Variants in SLC25A13 observed in about 807,000 individuals in gnomAD.
The protein encoded by SLC25A13 is electrogenic aspartate/glutamate antiporter SLC25A13, mitochondrial.
Under a neutral mutation model 85.5 loss-of-function variants are expected in SLC25A13, and 70 were observed. The ratio of observed to expected loss-of-function variants is 0.82; its 90% CI spans 0.68 to 1.00. SLC25A13 has a LOEUF of 1.00. SLC25A13 is among the 50% of genes least tolerant of loss of function. The pLI is 0.00. For missense variants in SLC25A13, 765 were observed against 819.8 expected (o/e 0.93, Z 0.82); for synonymous variants, 259 against 288.7 (o/e 0.90, Z 1.04).
At chr7:96,300,393 T>C (rs753536709) in intron 1 of SLC25A13, among the ~76,000 whole-genome samples, 7 of 152,144 alleles carry the variant, frequency 4.6e-5, no homozygotes, top group Admixed American at 1.3e-4. Context: ...CCTAGACAGC[T>C]AGAAAAGTAA....
At position 96,222,151 on chromosome 7, in the gene SLC25A13, C is replaced by G. The variant is rs1447140287; in HGVS notation, c.328+12651G>C. ...TAGGAGAGCCCTTTTCCACATGCCA[C>G]TTATTAACATAAACAAGAAACGCTT... On this transcript the variant is annotated intron_variant, in intron 4 of 17. Transcript: ENST00000265631. 2.6e-5 allele frequency among the ~76,000 whole-genome samples: 4 copies of G among 152,180 alleles called. No homozygotes were observed. In the South Asian group the frequency reaches 8.3e-4, roughly 32 times the overall value.
rs181992619 is a variant in SLC25A13 at position 96,219,071 on chromosome 7, C to T, written c.329-10094G>A. The stretch of plus-strand genomic sequence containing the variant: ...AATATCAAGGTTGCCATTTCAAACC[C>T]TTTTGACAAGTGCCTTTTTACATTA... On this transcript the variant is annotated intron_variant, in intron 4 of 17. Coordinates refer to ENST00000265631, the MANE Select transcript of SLC25A13 (RefSeq NM_014251.3). 2.6e-5 allele frequency among the ~76,000 whole-genome samples: 4 copies of T among 152,252 alleles called. No homozygotes were observed. In the East Asian group the frequency reaches 5.8e-4, roughly 22 times the overall value.
intron 13 of SLC25A13, among the ~76,000 whole-genome samples, chr7:96,163,596 TG>T (rs1793609182): frequency 6.6e-6 from 1 of 152,206 alleles, no homozygotes; most frequent in Non-Finnish European, 1.5e-5. Flanking sequence ...TCCTCAATGA[TG>T]GAGAAACACT....
intron 3 of SLC25A13, among the ~76,000 whole-genome samples, chr7:96,242,713 A>G (rs1418599053): frequency 6.6e-6 from 1 of 152,176 alleles, no homozygotes; most frequent in East Asian, 1.9e-4. Context: ...CCAATTGTCA[A>G]CCAGAAAATG....
intron 3 of SLC25A13, among the ~76,000 whole-genome samples, chr7:96,265,686 GT>G (rs937968179): frequency 3.9e-5 from 6 of 152,192 alleles, no homozygotes; most frequent in African/African-American, 1.4e-4. Flanking sequence ...TGATGAATGT[GT>G]AATGAAGAAA....
intron 3 of SLC25A13, among the ~76,000 whole-genome samples, chr7:96,261,591 CCTT>C (rs1232434590): frequency 6.6e-6 from 1 of 152,156 alleles, no homozygotes; most frequent in Non-Finnish European, 1.5e-5. Flanking sequence ...CTCTCAAAAA[CCTT>C]CATTAAAATC....
chr7:96,150,698 G>A (rs1195955829), intron 13 of SLC25A13, among the ~76,000 whole-genome samples: 1 of 152,066 alleles, frequency 6.6e-6, no homozygotes, highest in Non-Finnish European at 1.5e-5. Flanking sequence ...GGGAAAAAGC[G>A]GCTATCTACA....
rs1213225857 is a variant in SLC25A13, at chr7:96,193,728, C to T, written c.469-545G>A. ...TTTTGGACAGGGTAAGTCTTTATTACGGGAGGGCTGTCGTGTGTACCCCTA... is the reference window on the plus strand; with the variant it reads ...TTTTGGACAGGGTAAGTCTTTATTATGGGAGGGCTGTCGTGTGTACCCCTA... On this transcript the variant is annotated intron_variant, in intron 5 of 17. Transcript: ENST00000265631. Among the ~76,000 whole-genome samples the T allele has an allele frequency of 5.9e-5, 9 of 152,282 alleles. 1 individual carries two copies. The East Asian group carries it at 7.7e-4, about 13-fold the overall frequency.
intron 12 of SLC25A13, among the ~76,000 whole-genome samples, chr7:96,170,958 C>G (rs1301167971): frequency 6.6e-6 from 1 of 152,162 alleles, no homozygotes; most frequent in African/African-American, 2.4e-5. Context: ...CAGATCCCTG[C>G]ACATTTGGCT....
At chr7:96,193,917 T>C (rs977892998) in intron 5 of SLC25A13, among the ~76,000 whole-genome samples, 3 of 152,296 alleles carry the variant, frequency 2.0e-5, no homozygotes, top group African/African-American at 7.2e-5. Context: ...TTGCATATGT[T>C]TAATTAAAAT....
At chr7:96,317,810 A>AT (rs34286329) in intron 1 of SLC25A13, among the ~76,000 whole-genome samples, 1,500 of 143,570 alleles carry the variant, frequency 0.01, 30 homozygotes, top group African/African-American at 0.037. Flanking sequence ...ACTTTATTTT[A>AT]TTTTTTTTTG....
At chr7:96,202,727 C>G (rs1357063372) in intron 5 of SLC25A13, among the ~76,000 whole-genome samples, 2 of 152,140 alleles carry the variant, frequency 1.3e-5, no homozygotes, top group Non-Finnish European at 2.9e-5. Context: ...AAAGAGGCAG[C>G]AGAGCCAATA....
intron 3 of SLC25A13, among the ~76,000 whole-genome samples, chr7:96,262,287 G>C (rs1797881875): frequency 2.6e-5 from 4 of 152,090 alleles, no homozygotes; most frequent in Admixed American, 2.6e-4. Context: ...AATTAATCCA[G>C]CTTATCTTTC....
At chr7:96,311,796 T>C (rs904051436) in intron 1 of SLC25A13, among the ~76,000 whole-genome samples, 1 of 152,158 alleles carries the variant, frequency 6.6e-6, no homozygotes, top group African/African-American at 2.4e-5. Context: ...GAAGTATTTC[T>C]TTCTGACAAA....
chr7:96,225,576 A>G (rs1240631735), intron 4 of SLC25A13, among the ~76,000 whole-genome samples: 2 of 151,774 alleles, frequency 1.3e-5, no homozygotes, highest in African/African-American at 4.8e-5. Flanking sequence ...AAAAAAAGGA[A>G]TGGCCCAGGT....
chr7:96,181,312 T>C (rs577447210), intron 11 of SLC25A13, among the ~76,000 whole-genome samples: 3 of 152,210 alleles, frequency 2.0e-5, no homozygotes, highest in Non-Finnish European at 4.4e-5. Flanking sequence ...CTGAGGTATA[T>C]TTCTATTGAA....
At chr7:96,276,597 C>T (rs1475086030) in intron 3 of SLC25A13, among the ~76,000 whole-genome samples, 2 of 151,988 alleles carry the variant, frequency 1.3e-5, no homozygotes, top group East Asian at 1.9e-4. Flanking sequence ...TACTCCAGCC[C>T]GAGCAACAGA....
At position 96,131,748 on chromosome 7, in the gene SLC25A13, A is replaced by C. The variant is rs375405382; in HGVS notation, c.1586T>G (p.Ile529Arg). ...SPGSLLLAGA[I>R]AGMPAASLVT... ...ACTCCATGGGGGACACTCACCAGCT[A>C]TGGCACCAGCTAAGAGCAGGCTTCC... is the stretch of plus-strand genomic sequence containing the variant. Residue 529 changes from isoleucine (I) to arginine (R), a missense_variant, in exon 15 of 18, where the codon ATA (isoleucine) becomes AGA (arginine). Coordinates refer to ENST00000265631, the MANE Select transcript of SLC25A13 (RefSeq NM_014251.3). 1.9e-6 allele frequency: 3 copies of C among 1,613,934 alleles called. No individual in the cohort carries two copies. The African/African-American group carries it at 4.0e-5, about 22-fold the overall frequency.
chr7:96,193,080 CG>C lies in SLC25A13; in HGVS notation c.571del (p.Arg191AlafsTer5), dbSNP rs1482630982. 1.9e-6 allele frequency: 3 copies of C among 1,613,992 alleles called. No homozygotes were observed. Among genetic ancestry groups the C allele is most frequent in the Non-Finnish European group, 2.5e-6 (3 of 1,180,002 alleles). On this transcript the variant is annotated frameshift_variant, in exon 6 of 18. Coordinates refer to ENST00000265631, the MANE Select transcript of SLC25A13 (RefSeq NM_014251.3). LOFTEE classifies it high-confidence loss of function. ...TACAAAAGGAGTCAAGACATGGGGG[CG>C]GATGGTGACCATGATGTCTCGGAAG... is the stretch of plus-strand genomic sequence containing the variant. ...IDFRDIMVTI[R>X]PHVLTPFVEE...
Sources: allele counts gnomAD v4.1 joint callset (sites outside exome capture counted in the v4.1 genomes callset), GRCh38; gene constraint gnomAD v4.1.1; transcripts MANE v1.5; gene names NCBI Gene and HGNC (gene_info 2026-07-23, HGNC 2026-07-21).